The following XAF1 variants were observed in gnomAD, a reference collection of about 807,000 sequenced individuals.
XAF1 encodes XIAP-associated factor 1.
A neutral mutation model predicts 32.3 loss-of-function variants in XAF1; 32 were observed. That is an observed-to-expected ratio of 0.99 (90% CI 0.75 to 1.33). XAF1 has a LOEUF of 1.33. Among genes scored for constraint, XAF1 ranks in the 40% most tolerant of loss-of-function variants. XAF1 has a pLI of 0.00. For missense variants in XAF1, 379 were observed against 366.0 expected, an observed-to-expected ratio of 1.04 and a Z score of -0.29; for synonymous variants, 120 against 125.9, an observed-to-expected ratio of 0.95 and a Z score of 0.31.
At chr17:6,763,900 T>C (rs1975402559) in intron 5 of XAF1, among the ~76,000 whole-genome samples, 1 of 152,240 alleles carries the variant, frequency 6.6e-6, no homozygotes, top group Non-Finnish European at 1.5e-5. Context: ...TCCTTAGTAC[T>C]GATGTTTATT....
In XAF1 at chr17:6,758,203, C is replaced by T. The variant is rs756867937; in HGVS notation, c.147C>T (p.His49=). 6.2e-7 allele frequency: 1 copy of T among 1,614,104 alleles called. No individual in the cohort carries two copies. Among genetic ancestry groups the T allele is most frequent in the Admixed American group, 1.7e-5 (1 of 60,002 alleles). ...TCCCCAAGGAAACCATGGAGGAGCACTGCAAGCTTGAGCACCAGCAGGTGA... is the reference window on the plus strand; with the variant it reads ...TCCCCAAGGAAACCATGGAGGAGCATTGCAAGCTTGAGCACCAGCAGGTGA... ...EPVPKETMEE[H]CKLEHQQVGC... The change falls in exon 2 of 7, where the codon CAC becomes CAT. Residue 49 remains histidine (H), a synonymous_variant. Transcript: ENST00000361842.
chr17:6,775,080 G>T lies in XAF1; in HGVS notation c.*1911G>T, dbSNP rs1051664424. 3 of 151,748 alleles carry T rather than the reference G, an allele frequency of 2.0e-5. No individual in the cohort carries two copies. The highest frequency in any genetic ancestry group is 4.4e-5 in the Non-Finnish European group (3 of 67,978). The allele number at this position is 151,748 out of a possible 1,614,324, so 9.4% of individuals were successfully genotyped here. ...GAAAATGTGGCACATATACACCATGGAATACTATGCAGCCATAAAAAAGAA... is the reference window on the plus strand; with the variant it reads ...GAAAATGTGGCACATATACACCATGTAATACTATGCAGCCATAAAAAAGAA... On this transcript the variant is annotated 3_prime_UTR_variant, in exon 7 of 7. Coordinates refer to ENST00000361842, the MANE Select transcript of XAF1 (RefSeq NM_017523.5).
chr17:6,762,034 C>A (rs566982059), intron 4 of XAF1, 121 bp from the exon 5 acceptor site: 2 of 1,557,790 alleles, frequency 1.3e-6, no homozygotes, highest in African/African-American at 2.7e-5. Context: ...AAAGTCAAGA[C>A]CAGGCAGGTC....
Position 6,770,628 on chromosome 17 carries a change from T to C in XAF1, c.508-15T>C. On this transcript the variant is annotated splice_polypyrimidine_tract_variant and intron_variant, in intron 5 of 6. Transcript: ENST00000361842. Reference sequence around the variant, plus strand: ...GAAGTCATTTTAAAATTTGATATATTATTCACAATTGCAGGGTAAATGTTG... The same window carrying C: ...GAAGTCATTTTAAAATTTGATATATCATTCACAATTGCAGGGTAAATGTTG... 6.5e-7 allele frequency: 1 copy of C among 1,544,784 alleles called. No homozygotes were observed.
Position 6,770,964 on chromosome 17 carries a change from C to A in XAF1, c.829C>A (p.Pro277Thr), listed in dbSNP as rs567884801. ...TCAGTGTGGCATCCTGCTTCCCCTGCCGATCCTAAATCAACATCAGGTACT... is the reference window on the plus strand; with the variant it reads ...TCAGTGTGGCATCCTGCTTCCCCTGACGATCCTAAATCAACATCAGGTACT... ...CSQCGILLPL[P>T]ILNQHQEKCR... The change falls in exon 6 of 7, where the codon CCG becomes ACG. Residue 277 changes from proline (P) to threonine (T), a missense_variant. By Grantham distance (38) the Pro-to-Thr change is conservative. Transcript: ENST00000361842. 1.7e-5 allele frequency: 28 copies of A among 1,614,112 alleles called. No individual in the cohort carries two copies. In the East Asian group the frequency reaches 5.8e-4, roughly 33 times the overall value.
intron 5 of XAF1, among the ~76,000 whole-genome samples, chr17:6,766,243 T>C (rs1290923173): frequency 6.6e-6 from 1 of 152,230 alleles, no homozygotes. Context: ...ATTTTTTCCA[T>C]AGCATTTGCC....
At position 6,773,364 on chromosome 17, in the gene XAF1, C is replaced by A. The variant is rs1976202180; in HGVS notation, c.*195C>A. The A allele has an allele frequency of 2.0e-6, 1 of 499,540 alleles. No homozygotes were observed. The highest frequency in any genetic ancestry group is 3.8e-5 in the East Asian group (1 of 26,650). 30.9% of individuals were successfully genotyped at this position (499,540 alleles called of 1,614,324 possible). ...TACAGAAAAGGCTTTTGATAAAATT[C>A]AACTTGACTTCATGTTAAAAACCCT... On this transcript the variant is annotated 3_prime_UTR_variant, in exon 7 of 7. Coordinates refer to ENST00000361842, the MANE Select transcript of XAF1 (RefSeq NM_017523.5).
chr17:6,762,291 C>G (rs1207645706), intron 5 of XAF1, 51 bp downstream of exon 5: 1 of 1,481,290 alleles, frequency 6.8e-7, no homozygotes, highest in African/African-American at 1.4e-5. Context: ...CATCCACATT[C>G]TGAAAAGTGT....
chr17:6,760,132 G>A (rs992261754), intron 3 of XAF1, among the ~76,000 whole-genome samples: 2 of 151,798 alleles, frequency 1.3e-5, no homozygotes, highest in African/African-American at 2.4e-5. Flanking sequence ...GGTGGATCAC[G>A]AGGTCAGGAG....
chr17:6,762,156 G>C lies in XAF1; in HGVS notation c.423G>C (p.Gly141=). The C allele has an allele frequency of 6.2e-7, 1 of 1,612,668 alleles. No homozygotes were observed. The highest frequency in any genetic ancestry group is 8.5e-7 in the Non-Finnish European group (1 of 1,179,490). The change falls in exon 5 of 7, where the codon GGG becomes GGC. Residue 141 remains glycine, a splice_region_variant and synonymous_variant. Coordinates refer to ENST00000361842, the MANE Select transcript of XAF1 (RefSeq NM_017523.5). ...GGTGTTGTTTCTCTGCTTATTCAGG[G>C]GAAAGAATTTCAGCTCCTGAAAGGG... The part of the protein sequence containing the change: ...CRSEQAQLGK[G]ERISAPEREI...
chr17:6,762,181 G>A lies in XAF1; in HGVS notation c.448G>A (p.Glu150Lys). 1 of 1,613,754 alleles carries A rather than the reference G, an allele frequency of 6.2e-7. No homozygotes were observed. The highest frequency in any genetic ancestry group is 1.1e-5 in the South Asian group (1 of 91,014). Reference sequence around the variant, plus strand: ...GGAAAGAATTTCAGCTCCTGAAAGGGAAATCTACTGTCATTATTGCAACCA... The same window carrying A: ...GGAAAGAATTTCAGCTCCTGAAAGGAAAATCTACTGTCATTATTGCAACCA... ...KGERISAPER[E>K]IYCHYCNQMI... The change falls in exon 5 of 7, where the codon GAA (glutamate) becomes AAA (lysine). Residue 150 changes from glutamate (E) to lysine (K), a missense_variant. Transcript: ENST00000361842.
rs1265372181 is a variant in XAF1 at position 6,774,668 on chromosome 17, C to G, written c.*1499C>G. 1 of 152,162 alleles carries G rather than the reference C, an allele frequency of 6.6e-6. No individual in the cohort carries two copies. Among genetic ancestry groups the G allele is most frequent in the Non-Finnish European group, 1.5e-5 (1 of 68,040 alleles). The allele number at this position is 152,162 out of a possible 1,614,324, so 9.4% of individuals were successfully genotyped here. ...ATTCTGTCATAAAGACATATATACA[C>G]AAATGTTCACGGCAGCACTATACAC... On this transcript the variant is annotated 3_prime_UTR_variant, in exon 7 of 7. Coordinates refer to ENST00000361842, the MANE Select transcript of XAF1 (RefSeq NM_017523.5).
At chr17:6,763,568 G>T (rs1975378291) in intron 5 of XAF1, among the ~76,000 whole-genome samples, 1 of 152,132 alleles carries the variant, frequency 6.6e-6, no homozygotes, top group Non-Finnish European at 1.5e-5. Flanking sequence ...CTGACCGCAG[G>T]TTATCCGCCT....
rs1975115108 is a variant in XAF1, at chr17:6,760,573, T to C, written c.393T>C (p.Cys131=). 1 of 1,612,272 alleles carries C rather than the reference T, an allele frequency of 6.2e-7. No individual in the cohort carries two copies. Among genetic ancestry groups the C allele is most frequent in the African/African-American group, 1.3e-5 (1 of 74,822 alleles). Residue 131 remains cysteine, a synonymous_variant, in exon 4 of 7, where the codon TGT becomes TGC. Transcript: ENST00000361842. ...TGCTCGCCCAGCACAGAGATGTCTGTCGCAGTGAACAGGCCCAGCTCGGGA... is the reference window on the plus strand; with the variant it reads ...TGCTCGCCCAGCACAGAGATGTCTGCCGCAGTGAACAGGCCCAGCTCGGGA... The part of the protein sequence containing the change: ...HRMLAQHRDV[C]RSEQAQLGKG...
intron 3 of XAF1, chr17:6,759,952 C>A: frequency 1.4e-6 from 1 of 693,396 alleles, no homozygotes; most frequent in East Asian, 2.8e-5. Context: ...GCTCAGATCC[C>A]CCGAAGGCAG....
At chr17:6,761,687 C>T (rs771536218) in intron 4 of XAF1, 40 of 475,970 alleles carry the variant, frequency 8.4e-5, no homozygotes, top group Non-Finnish European at 1.2e-4. Context: ...TGGACGTCAA[C>T]AGAATCAAAC....
chr17:6,756,266 T>C, intron 1 of XAF1, 156 bp downstream of exon 1: 2 of 1,410,232 alleles, frequency 1.4e-6, no homozygotes, highest in African/African-American at 1.5e-5. Context: ...GGTAGGAGGG[T>C]TTAAACTTGG....
chr17:6,761,586 T>C, intron 4 of XAF1: 1 of 280,040 alleles, frequency 3.6e-6, no homozygotes, highest in Non-Finnish European at 7.0e-6. Context: ...AGTAACCTTC[T>C]CCTGATAAAC....
At chr17:6,756,002 G>T (rs980200229), upstream of XAF1, 2 of 1,611,108 alleles carry the variant, frequency 1.2e-6, no homozygotes, top group East Asian at 4.5e-5. Context: ...TGTGGGCTGG[G>T]CCATCGGAAA....
Sources: allele counts gnomAD v4.1 joint callset (sites outside exome capture counted in the v4.1 genomes callset), GRCh38; gene constraint gnomAD v4.1.1; transcripts MANE v1.5; gene names NCBI Gene and HGNC (gene_info 2026-07-23, HGNC 2026-07-21).